Variants in STAB2 observed in about 807,000 individuals in gnomAD.
STAB2 encodes stabilin-2.
STAB2 carries 288 observed loss-of-function variants against 338.1 expected under a neutral mutation model. The ratio of observed to expected loss-of-function variants is 0.85; its 90% CI spans 0.77 to 0.94. STAB2 has a LOEUF of 0.94. STAB2 is among the 40% of genes least tolerant of loss of function. The pLI is 0.00. For synonymous variants in STAB2, 1,202 were observed against 1,193.3 expected (o/e 1.01, Z -0.15); for missense variants, 3,141 against 3,210.1 (o/e 0.98, Z 0.52).
chr12:103,745,124 G>A (rs2139139295), intron 56 of STAB2, 49 bp from the exon 57 acceptor site: 1 of 1,530,988 alleles, frequency 6.5e-7, no homozygotes, highest in East Asian at 2.4e-5. Flanking sequence ...GGAGCTGGTT[G>A]ATTGGGTCTC....
chr12:103,647,366 T>G (rs1233981994), intron 9 of STAB2, among the ~76,000 whole-genome samples: 1 of 152,214 alleles, frequency 6.6e-6, no homozygotes, highest in Non-Finnish European at 1.5e-5. Context: ...TTAGAATGCT[T>G]TCCTCAATGT....
At chr12:103,609,772 C>G (rs1194695330) in intron 3 of STAB2, among the ~76,000 whole-genome samples, 1 of 152,112 alleles carries the variant, frequency 6.6e-6, no homozygotes, top group African/African-American at 2.4e-5. Flanking sequence ...TGCCAGTTTT[C>G]AAAGGGAATG....
chr12:103,750,304 A>G (rs1484393004), intron 59 of STAB2, among the ~76,000 whole-genome samples: 1 of 152,230 alleles, frequency 6.6e-6, no homozygotes, highest in Non-Finnish European at 1.5e-5. Context: ...AAATCAGGCC[A>G]ATGTGATAGA....
chr12:103,743,646 C>T (rs950050823), intron 56 of STAB2, among the ~76,000 whole-genome samples: 3 of 152,120 alleles, frequency 2.0e-5, no homozygotes, highest in Admixed American at 1.3e-4. Flanking sequence ...ATGTGGCTAT[C>T]GAGCACCCAA....
In STAB2 at chr12:103,735,594, T is replaced by C. The variant is rs370326585; in HGVS notation, c.5550+14T>C. ...GGCAGGGACATCGTGAGTATCATCA[T>C]GAAGGGTGGGCAGGGAGGGGTTAAC... On this transcript the variant is annotated intron_variant, in intron 52 of 68. Coordinates refer to ENST00000388887, the MANE Select transcript of STAB2 (RefSeq NM_017564.10). The C allele has an allele frequency of 7.8e-6, 12 of 1,535,474 alleles. No individual in the cohort carries two copies. The African/African-American group carries it at 8.3e-5, about 11-fold the overall frequency.
intron 9 of STAB2, among the ~76,000 whole-genome samples, chr12:103,644,940 T>G (rs544054509): frequency 7.6e-4 from 115 of 152,260 alleles, no homozygotes; most frequent in African/African-American, 2.3e-3. Context: ...ACACCTACTA[T>G]GTACCCACAA....
intron 3 of STAB2, among the ~76,000 whole-genome samples, chr12:103,613,636 G>A (rs899560768): frequency 3.9e-5 from 6 of 152,030 alleles, no homozygotes; most frequent in East Asian, 1.9e-4. Context: ...TGCACTTCCC[G>A]GGCGAGGCAA....
chr12:103,745,705 C>G (rs1239533838), intron 57 of STAB2, among the ~76,000 whole-genome samples: 1 of 152,162 alleles, frequency 6.6e-6, no homozygotes, highest in Admixed American at 6.5e-5. Flanking sequence ...GAGAACCACA[C>G]TCTCTGAGCC....
At chr12:103,645,646 C>T (rs1467189712) in intron 9 of STAB2, among the ~76,000 whole-genome samples, 2 of 152,218 alleles carry the variant, frequency 1.3e-5, no homozygotes, top group Non-Finnish European at 2.9e-5. Context: ...TAGCGTAGCA[C>T]AGTGCTTGCA....
At chr12:103,593,688 T>C (rs1169040225) in intron 2 of STAB2, among the ~76,000 whole-genome samples, 1 of 152,212 alleles carries the variant, frequency 6.6e-6, no homozygotes, top group Non-Finnish European at 1.5e-5. Context: ...ATGTTATTCT[T>C]AACAGCAGCC....
At chr12:103,667,778 G>A (rs1253851175) in intron 19 of STAB2, among the ~76,000 whole-genome samples, 1 of 152,184 alleles carries the variant, frequency 6.6e-6, no homozygotes, top group Non-Finnish European at 1.5e-5. Flanking sequence ...AAGATGAAGG[G>A]ATAAGCTTGA....
chr12:103,740,846 G>T, intron 55 of STAB2, 90 bp downstream of exon 55: 1 of 1,455,654 alleles, frequency 6.9e-7, no homozygotes, highest in Non-Finnish European at 9.1e-7. Context: ...AAATTATAGG[G>T]GGATGGGGGA....
intron 3 of STAB2, among the ~76,000 whole-genome samples, chr12:103,597,343 GC>G (rs1346798869): frequency 6.6e-5 from 10 of 152,176 alleles, no homozygotes; most frequent in Non-Finnish European, 1.5e-4. Flanking sequence ...CTCCAGAATG[GC>G]CTTGTTTCCA....
rs1884063092 is a variant in STAB2 at position 103,755,817 on chromosome 12, G to A, written c.6987+99G>A. On this transcript the variant is annotated intron_variant, in intron 63 of 68. Transcript: ENST00000388887. ...CCTTAAGCTGAAGGCCACAGTCACAGTTAAGAGCATGGGTGCTGGACCACC... is the reference window on the plus strand; with the variant it reads ...CCTTAAGCTGAAGGCCACAGTCACAATTAAGAGCATGGGTGCTGGACCACC... The A allele has an allele frequency of 6.2e-6, 7 of 1,137,710 alleles. No homozygotes were observed. The Admixed American group carries it at 7.1e-5, about 12-fold the overall frequency. The allele number at this position is 1,137,710 out of a possible 1,614,324, so 70.5% of individuals were successfully genotyped here.
chr12:103,648,913 G>T, intron 10 of STAB2, 90 bp downstream of exon 10: 1 of 1,530,846 alleles, frequency 6.5e-7, no homozygotes, highest in Non-Finnish European at 8.8e-7. Flanking sequence ...AGGGACAGGC[G>T]AGCCTTGTCT....
At chr12:103,619,756 GCCC>G (rs972877806) in intron 3 of STAB2, among the ~76,000 whole-genome samples, 28 of 115,678 alleles carry the variant, frequency 2.4e-4, no homozygotes, top group Non-Finnish European at 4.2e-4. Context: ...AACGCCCCCC[GCCC>G]CCGCCACCCC....
At chr12:103,705,577 G>A (rs1879274155) in intron 36 of STAB2, 55 bp from the exon 37 acceptor site, 49 of 1,524,054 alleles carry the variant, frequency 3.2e-5, no homozygotes, top group Non-Finnish European at 3.5e-5. Flanking sequence ...TGCTTTCGGA[G>A]ACTGGAAAAC....
Position 103,689,891 on chromosome 12 carries a change from G to C in STAB2, c.3091G>C (p.Val1031Leu). Residue 1031 changes from valine (V) to leucine (L), a missense_variant, in exon 29 of 69, where the codon GTC (valine) becomes CTC (leucine). Physicochemically the swap from Val to Leu is conservative, Grantham distance 32 (BLOSUM62 1). Transcript: ENST00000388887. Reference protein sequence around the residue: ...PTLSATSNLTVLVPSQQATED... With the variant: ...PTLSATSNLTLLVPSQQATED... ...ACTGTCAGCCACCTCAAACCTCACT[G>C]TCCTCGTGCCTTCCCAACAAGCTAC... 1 of 1,614,172 alleles carries C rather than the reference G, an allele frequency of 6.2e-7. No homozygotes were observed. The highest frequency in any genetic ancestry group is 8.5e-7 in the Non-Finnish European group (1 of 1,180,020).
Position 103,703,140 on chromosome 12 carries a change from G to T in STAB2, c.3715-8G>T. The T allele has an allele frequency of 6.2e-7, 1 of 1,610,922 alleles. No homozygotes were observed. Among genetic ancestry groups the T allele is most frequent in the Non-Finnish European group, 8.5e-7 (1 of 1,179,314 alleles). ...ATAAAAAGTGACATTTAACCCTGTT[G>T]TTCACAGCTCTATGTAAATGAGGCT... On this transcript the variant is annotated splice_region_variant and splice_polypyrimidine_tract_variant and intron_variant, in intron 34 of 68. Coordinates refer to ENST00000388887, the MANE Select transcript of STAB2 (RefSeq NM_017564.10).
Sources: gnomAD v4.1 joint callset for allele counts (sites outside exome capture counted in the v4.1 genomes callset) on GRCh38, gnomAD v4.1.1 for gene constraint, MANE v1.5 for transcripts, NCBI Gene and HGNC (gene_info 2026-07-23, HGNC 2026-07-21) for gene names.